Variants in LRRC42 observed in about 807,000 individuals in gnomAD.
LRRC42 encodes the protein leucine-rich repeat-containing protein 42.
A neutral mutation model predicts 44.3 loss-of-function variants in LRRC42; 43 were observed. The ratio of observed to expected loss-of-function variants is 0.97; its 90% CI spans 0.76 to 1.25. The LOEUF (loss-of-function observed/expected upper bound fraction) is 1.25. LRRC42 is among the 50% of genes most tolerant of loss of function. The probability of loss-of-function intolerance (pLI) is 0.00; values close to 1 mark genes in which losing one functional copy is unlikely to be tolerated. For synonymous variants in LRRC42, 207 were observed against 195.2 expected (o/e 1.06, Z -0.50); for missense variants, 540 against 509.1 (o/e 1.06, Z -0.58).
chr1:53,962,417 A>G lies in LRRC42; in HGVS notation c.927+8A>G, dbSNP rs1655022393. On this transcript the variant is annotated splice_region_variant and intron_variant, in intron 7 of 8. Transcript: ENST00000371370. ...GAGGGCTGGGCTGACCAGGTACTCC[A>G]GATTTTTCTTCCTTGCGGTTGATGC... 6.4e-7 allele frequency: 1 copy of G among 1,565,340 alleles called. No individual in the cohort carries two copies. Among genetic ancestry groups the G allele is most frequent in the Non-Finnish European group, 8.8e-7 (1 of 1,135,896 alleles).
chr1:53,956,644 G>A lies in LRRC42; in HGVS notation c.474-1505G>A, dbSNP rs145980611. On this transcript the variant is annotated intron_variant, in intron 3 of 8. Transcript: ENST00000371370. ...CTTTAAGGGAAAATTTGGAAGACTG[G>A]TTGCAAGCAAGAACCTAGAGCTTTG... 4.6e-5 allele frequency among the ~76,000 whole-genome samples: 7 copies of A among 152,290 alleles called. No homozygotes were observed. In the East Asian group the frequency reaches 1.3e-3, roughly 29 times the overall value.
chr1:53,965,048 C>G (rs1206468896), intron 7 of LRRC42, among the ~76,000 whole-genome samples: 1 of 145,852 alleles, frequency 6.9e-6, no homozygotes, highest in Non-Finnish European at 1.5e-5. Context: ...CTCTGTCGCC[C>G]AGTCTGGAGT....
chr1:53,966,428 CTTA>C, intron 8 of LRRC42, 48 bp downstream of exon 8: 2 of 1,318,410 alleles, frequency 1.5e-6, no homozygotes, highest in Non-Finnish European at 2.2e-6. Flanking sequence ...TATTTGCATC[CTTA>C]AAGCAGTTCG....
chr1:53,964,546 C>T (rs1167429565), intron 7 of LRRC42, among the ~76,000 whole-genome samples: 1 of 152,204 alleles, frequency 6.6e-6, no homozygotes, highest in African/African-American at 2.4e-5. Context: ...GAAGGAAGCA[C>T]CATTTTCCCT....
chr1:53,964,917 C>T (rs1042325352), intron 7 of LRRC42, among the ~76,000 whole-genome samples: 22 of 151,564 alleles, frequency 1.5e-4, no homozygotes, highest in Admixed American at 6.6e-4. Context: ...AACTCCTGGG[C>T]GCAAGGGATC....
rs373765771 is a variant in LRRC42, at chr1:53,960,427, G to A, written c.677G>A (p.Arg226Gln). 1.5e-5 allele frequency: 24 copies of A among 1,613,990 alleles called. No homozygotes were observed. Among genetic ancestry groups the A allele is most frequent in the South Asian group, 3.3e-5 (3 of 91,064 alleles). The change falls in exon 5 of 9, where the codon CGA (arginine) becomes CAA (glutamine). Residue 226 changes from arginine (R) to glutamine (Q), a missense_variant. Arg to Gln is a conservative substitution (Grantham distance 43, BLOSUM62 1). Transcript: ENST00000371370. ...GTGCGGAAGATGACAGCACCAGTTC[G>A]AGTGATGAAAAGAGGCCTTGAGAAT... ...AGVRKMTAPV[R>Q]VMKRGLENLT...
In LRRC42 at chr1:53,947,074, A is replaced by G. The variant is rs1654508559; in HGVS notation, c.-49+525A>G. On this transcript the variant is annotated intron_variant, in intron 1 of 8. Coordinates refer to ENST00000371370, the MANE Select transcript of LRRC42 (RefSeq NM_001256409.2). The stretch of plus-strand genomic sequence containing the variant: ...GGAGAGGGAAGCCCCTAGAGTGGGA[A>G]GAAGGGAAGAATAGATGGTGAAGGA... Among the ~76,000 whole-genome samples, 2 of 150,068 alleles carry G rather than the reference A, an allele frequency of 1.3e-5. 1 individual carries two copies. The highest frequency in any genetic ancestry group is 4.3e-4 in the South Asian group (2 of 4,608).
Position 53,960,379 on chromosome 1 carries a change from A to T in LRRC42, c.629A>T (p.Asp210Val). Residue 210 changes from aspartate (D) to valine (V), a missense_variant, in exon 5 of 9, where the codon GAT (aspartate) becomes GTT (valine). Asp to Val is a radical substitution (Grantham distance 152). Coordinates refer to ENST00000371370, the MANE Select transcript of LRRC42 (RefSeq NM_001256409.2). ...LSSVTQLHLK[D>V]NCLSDAGVRK... Reference sequence around the variant, plus strand: ...AGTGTAACTCAGCTCCACCTGAAGGATAATTGTTTATCTGATGCTGGGGTG... The same window carrying T: ...AGTGTAACTCAGCTCCACCTGAAGGTTAATTGTTTATCTGATGCTGGGGTG... The T allele has an allele frequency of 6.2e-7, 1 of 1,613,622 alleles. No individual in the cohort carries two copies. The highest frequency in any genetic ancestry group is 1.1e-5 in the South Asian group (1 of 90,960).
intron 2 of LRRC42, among the ~76,000 whole-genome samples, chr1:53,951,405 A>T (rs1654674651): frequency 6.6e-6 from 1 of 152,104 alleles, no homozygotes; most frequent in Non-Finnish European, 1.5e-5. Context: ...AATTTTGAAG[A>T]TGAGATTTTG....
Position 53,952,136 on chromosome 1 carries a change from TG to T in LRRC42, c.138del (p.Phe47SerfsTer11). 1.2e-6 allele frequency: 2 copies of T among 1,614,224 alleles called. No individual in the cohort carries two copies. Among genetic ancestry groups the T allele is most frequent in the Non-Finnish European group, 1.7e-6 (2 of 1,180,024 alleles). On this transcript the variant is annotated frameshift_variant, in exon 3 of 9. Coordinates refer to ENST00000371370, the MANE Select transcript of LRRC42 (RefSeq NM_001256409.2). LOFTEE classifies it high-confidence loss of function. ...SSLQKPRPFR[L>X]FPKGFSVELC... The stretch of plus-strand genomic sequence containing the variant: ...CTGCAGAAGCCAAGGCCTTTCAGAC[TG>T]TTCCCCAAAGGCTTTTCTGTGGAGC...
At chr1:53,956,192 C>G (rs1354391113) in intron 3 of LRRC42, among the ~76,000 whole-genome samples, 1 of 152,146 alleles carries the variant, frequency 6.6e-6, no homozygotes, top group Admixed American at 6.5e-5. Flanking sequence ...TAGGTGCAGG[C>G]ACTTGCTATC....
At chr1:53,949,377 C>T (rs1165236636) in intron 2 of LRRC42, among the ~76,000 whole-genome samples, 2 of 152,176 alleles carry the variant, frequency 1.3e-5, no homozygotes, top group African/African-American at 4.8e-5. Context: ...TGTCATTGCT[C>T]AGGGAGTTCA....
chr1:53,958,240 C>T lies in LRRC42; in HGVS notation c.565C>T (p.His189Tyr). 1 of 1,613,842 alleles carries T rather than the reference C, an allele frequency of 6.2e-7. No individual in the cohort carries two copies. The highest frequency in any genetic ancestry group is 8.5e-7 in the Non-Finnish European group (1 of 1,179,802). ...DLSCCKLGDE[H>Y]ELLEHLTNEA... ...TTCCTGTTGCAAGCTTGGAGATGAG[C>T]ATGAACTTCTAGAACATCTCACCAA... is the stretch of plus-strand genomic sequence containing the variant. Residue 189 changes from histidine to tyrosine, a missense_variant, in exon 4 of 9, where the codon CAT becomes TAT. Coordinates refer to ENST00000371370, the MANE Select transcript of LRRC42 (RefSeq NM_001256409.2).
At chr1:53,954,856 GA>G (rs1654787012) in intron 3 of LRRC42, among the ~76,000 whole-genome samples, 1 of 152,160 alleles carries the variant, frequency 6.6e-6, no homozygotes, top group Admixed American at 6.5e-5. Context: ...CAAGAACCTT[GA>G]AAACATCCAT....
chr1:53,966,223 G>A, intron 7 of LRRC42, 73 bp from the exon 8 acceptor site: 1 of 1,230,786 alleles, frequency 8.1e-7, no homozygotes, highest in Non-Finnish European at 1.2e-6. Flanking sequence ...AGGGAAAAAG[G>A]GGGAACAAGA....
Position 53,952,352 on chromosome 1 carries a change from T to G in LRRC42, c.353T>G (p.Leu118Arg). 1 of 1,614,174 alleles carries G rather than the reference T, an allele frequency of 6.2e-7. No individual in the cohort carries two copies. The highest frequency in any genetic ancestry group is 8.5e-7 in the Non-Finnish European group (1 of 1,179,980). Reference protein sequence around the residue: ...IGFPEQIAEKLFSAAEARQKF... With the variant: ...IGFPEQIAEKRFSAAEARQKF... ...TTTCCTGAGCAGATTGCTGAAAAGC[T>G]GTTCTCTGCTGCTGAAGCCAGACAG... The change falls in exon 3 of 9, where the codon CTG becomes CGG. Residue 118 changes from leucine (L) to arginine (R), a missense_variant. Physicochemically the swap from Leu to Arg is moderately radical, Grantham distance 102. Transcript: ENST00000371370.
chr1:53,950,410 A>C (rs1432776020), intron 2 of LRRC42, among the ~76,000 whole-genome samples: 1 of 152,220 alleles, frequency 6.6e-6, no homozygotes, highest in African/African-American at 2.4e-5. Context: ...TTATACACAT[A>C]ATTATCCTTG....
chr1:53,946,980 C>T (rs1043657091), intron 1 of LRRC42, among the ~76,000 whole-genome samples: 1 of 150,660 alleles, frequency 6.6e-6, no homozygotes, highest in Admixed American at 6.6e-5. Flanking sequence ...GATAGTGAGG[C>T]GTGAAGGAAG....
At chr1:53,952,849 A>G (rs565590784) in intron 3 of LRRC42, among the ~76,000 whole-genome samples, 3 of 152,320 alleles carry the variant, frequency 2.0e-5, no homozygotes, top group African/African-American at 7.2e-5. Flanking sequence ...TGGTTTTCAG[A>G]CCACTAGATA....
Sources: gnomAD v4.1 joint callset for allele counts (sites outside exome capture counted in the v4.1 genomes callset) on GRCh38, gnomAD v4.1.1 for gene constraint, MANE v1.5 for transcripts, NCBI Gene and HGNC (gene_info 2026-07-23, HGNC 2026-07-21) for gene names.